Variants in TMEM163 observed in about 807,000 individuals in gnomAD.
The protein encoded by TMEM163 is transmembrane protein 163.
Under a neutral mutation model 29.3 loss-of-function variants are expected in TMEM163, and 17 were observed. The ratio of observed to expected loss-of-function variants is 0.58; its 90% CI spans 0.40 to 0.87. TMEM163 has a LOEUF of 0.87. Among genes scored for constraint, TMEM163 ranks in the 40% least tolerant of loss-of-function variants. The probability of loss-of-function intolerance (pLI) is 0.00; values close to 1 mark genes in which losing one functional copy is unlikely to be tolerated. For missense variants in TMEM163, 303 were observed against 381.5 expected, an observed-to-expected ratio of 0.79 and a Z score of 1.71; for synonymous variants, 157 against 160.6, an observed-to-expected ratio of 0.98 and a Z score of 0.17.
rs149714949 is a variant in TMEM163 at position 134,670,414 on chromosome 2, G to A, written c.322+42786C>T. ...TGTGCTTCCAAAGGGCAGACCCCAC[G>A]TGGGGGAACACTGGCAGGGCTGGGC... On this transcript the variant is annotated intron_variant, in intron 2 of 7. Transcript: ENST00000281924. Among the ~76,000 whole-genome samples, 747 of 152,268 alleles carry A rather than the reference G, an allele frequency of 4.9e-3. 2 individuals carry two copies. Among genetic ancestry groups the A allele is most frequent in the Middle Eastern group, 0.02 (6 of 294 alleles).
At chr2:134,541,614 T>C in intron 4 of TMEM163, among the ~76,000 whole-genome samples, 1 of 152,234 alleles carries the variant, frequency 6.6e-6, no homozygotes, top group East Asian at 1.9e-4. Context: ...ATACATAGAA[T>C]ACCGCACAGC....
At chr2:134,566,262 T>C (rs376431491) in intron 2 of TMEM163, among the ~76,000 whole-genome samples, 2 of 152,268 alleles carry the variant, frequency 1.3e-5, no homozygotes, top group South Asian at 2.1e-4. Flanking sequence ...ATCCGTCCCA[T>C]TTCTACCTTT....
At chr2:134,516,647 A>G (rs745970497) in intron 4 of TMEM163, among the ~76,000 whole-genome samples, 11 of 147,976 alleles carry the variant, frequency 7.4e-5, no homozygotes, top group Non-Finnish European at 1.5e-4. Context: ...TCATACTTAT[A>G]TTCATACATA....
At chr2:134,604,496 G>T (rs1237418472) in intron 2 of TMEM163, among the ~76,000 whole-genome samples, 5 of 150,926 alleles carry the variant, frequency 3.3e-5, no homozygotes, top group African/African-American at 1.2e-4. Flanking sequence ...CAATGTTCAT[G>T]TAAAGAGATA....
At chr2:134,680,778 G>A (rs1479023015) in intron 2 of TMEM163, among the ~76,000 whole-genome samples, 1 of 152,188 alleles carries the variant, frequency 6.6e-6, no homozygotes, top group East Asian at 1.9e-4. Context: ...GCTGGACTGT[G>A]GCACTGGAGC....
chr2:134,692,815 T>G (rs888330773), intron 2 of TMEM163, among the ~76,000 whole-genome samples: 3 of 152,162 alleles, frequency 2.0e-5, no homozygotes, highest in African/African-American at 7.2e-5. Context: ...ACACTGTGGG[T>G]GACAGCTTCA....
At chr2:134,535,776 T>A (rs542822609) in intron 4 of TMEM163, among the ~76,000 whole-genome samples, 32 of 151,780 alleles carry the variant, frequency 2.1e-4, no homozygotes, top group African/African-American at 7.5e-4. Flanking sequence ...CAGGTTGGAA[T>A]GCAATGGCAC....
At chr2:134,466,753 T>C (rs1467128991) in intron 5 of TMEM163, 1 of 153,286 alleles carries the variant, frequency 6.5e-6, no homozygotes, top group Non-Finnish European at 1.5e-5. Context: ...TTCATAGACA[T>C]GGGTAGAGAA....
intron 6 of TMEM163, among the ~76,000 whole-genome samples, chr2:134,459,588 C>T (rs534012847): frequency 5.3e-5 from 8 of 149,972 alleles, no homozygotes; most frequent in Admixed American, 2.7e-4. Context: ...TCACAAAACC[C>T]GCAGAAGAGT....
intron 2 of TMEM163, among the ~76,000 whole-genome samples, chr2:134,685,145 G>A (rs1037002980): frequency 1.3e-5 from 2 of 152,140 alleles, no homozygotes; most frequent in East Asian, 1.9e-4. Flanking sequence ...CTTCTCTCAA[G>A]GGTCAAACAG....
At chr2:134,567,553 T>C (rs1229909987) in intron 2 of TMEM163, among the ~76,000 whole-genome samples, 1 of 152,048 alleles carries the variant, frequency 6.6e-6, no homozygotes, top group Non-Finnish European at 1.5e-5. Context: ...TAGCCGAGTA[T>C]GGTGGCACAA....
rs375726687 is a variant in TMEM163, at chr2:134,650,100, T to C, written c.322+63100A>G. ...CAATTGAGTGAAAAAATGGAAGGTA[T>C]AGGGCAATACGCACAGTACAACCAC... is the stretch of plus-strand genomic sequence containing the variant. On this transcript the variant is annotated intron_variant, in intron 2 of 7. Transcript: ENST00000281924. Among the ~76,000 whole-genome samples, 3 of 149,576 alleles carry C rather than the reference T, an allele frequency of 2.0e-5. No homozygotes were observed. In the East Asian group the frequency reaches 5.8e-4, roughly 29 times the overall value.
intron 6 of TMEM163, among the ~76,000 whole-genome samples, chr2:134,463,001 C>G (rs1485154077): frequency 6.6e-6 from 1 of 152,258 alleles, no homozygotes; most frequent in Non-Finnish European, 1.5e-5. Flanking sequence ...GACAGCCTGC[C>G]TGGGAACCAG....
intron 2 of TMEM163, among the ~76,000 whole-genome samples, chr2:134,612,484 A>G (rs1396486433): frequency 6.6e-6 from 1 of 151,762 alleles, no homozygotes. Flanking sequence ...TCACAAAAGC[A>G]AGAAGTGAAG....
intron 4 of TMEM163, among the ~76,000 whole-genome samples, chr2:134,535,269 A>AAC (rs368488266): frequency 1.4e-3 from 212 of 151,950 alleles, no homozygotes; most frequent in African/African-American, 4.1e-3. Context: ...TCTCACTGAA[A>AAC]ACACACACAC....
At chr2:134,660,055 C>T (rs770544280) in intron 2 of TMEM163, among the ~76,000 whole-genome samples, 1 of 152,090 alleles carries the variant, frequency 6.6e-6, no homozygotes, top group Non-Finnish European at 1.5e-5. Context: ...CCAGCCTTGC[C>T]CAGATCTGGA....
At chr2:134,538,834 G>C (rs1176255114) in intron 4 of TMEM163, among the ~76,000 whole-genome samples, 1 of 152,174 alleles carries the variant, frequency 6.6e-6, no homozygotes, top group Non-Finnish European at 1.5e-5. Context: ...TGGGGAAGGA[G>C]ACCTGGGAGG....
Position 134,585,538 on chromosome 2 carries a change from A to C in TMEM163, c.323-33447T>G, listed in dbSNP as rs59107976. On this transcript the variant is annotated intron_variant, in intron 2 of 7. Coordinates refer to ENST00000281924, the MANE Select transcript of TMEM163 (RefSeq NM_030923.5). ...CGGGCAGATTACGAGGTCAAGAGAT[A>C]GAGACCATCCTGGCTAACACAGTGA... Among the ~76,000 whole-genome samples, 836 of 152,176 alleles carry C rather than the reference A, an allele frequency of 5.5e-3. 8 individuals are homozygous for C. Among genetic ancestry groups the C allele is most frequent in the African/African-American group, 0.013 (536 of 41,498 alleles).
At chr2:134,517,880 A>G (rs1273310298) in intron 4 of TMEM163, among the ~76,000 whole-genome samples, 3 of 152,224 alleles carry the variant, frequency 2.0e-5, no homozygotes, top group Non-Finnish European at 4.4e-5. Context: ...GAGAAAAAGT[A>G]TGAGTTTCCC....
Sources: allele counts gnomAD v4.1 joint callset (sites outside exome capture counted in the v4.1 genomes callset), GRCh38; gene constraint gnomAD v4.1.1; transcripts MANE v1.5; gene names NCBI Gene and HGNC (gene_info 2026-07-23, HGNC 2026-07-21).